Variants in METTL16 observed in about 807,000 individuals in gnomAD.
METTL16 encodes the protein methyltransferase 16, RNA N6-adenosine, also known as RNA N(6)-adenosine-methyltransferase METTL16.
In METTL16, 19 loss-of-function variants were observed where a neutral mutation model predicts 57.9. That is an observed-to-expected ratio of 0.33 (90% CI 0.23 to 0.48). The LOEUF is 0.48. Among genes scored for constraint, METTL16 ranks in the 20% least tolerant of loss-of-function variants. The pLI is 0.99. For synonymous variants in METTL16, 246 were observed against 255.6 expected (o/e 0.96, Z 0.36); for missense variants, 434 against 691.5 (o/e 0.63, Z 4.18).
chr17:2,492,240 A>G (rs1296450912), intron 2 of METTL16, among the ~76,000 whole-genome samples: 1 of 152,138 alleles, frequency 6.6e-6, no homozygotes, highest in African/African-American at 2.4e-5. Flanking sequence ...AATAAAAACA[A>G]ATCGGTTAAG....
At chr17:2,455,539 C>T (rs921661462) in intron 6 of METTL16, among the ~76,000 whole-genome samples, 1 of 152,122 alleles carries the variant, frequency 6.6e-6, no homozygotes, top group African/African-American at 2.4e-5. Flanking sequence ...CTCACCGTGG[C>T]GCAAGCTGCT....
chr17:2,449,488 G>A (rs960381998), intron 6 of METTL16, among the ~76,000 whole-genome samples: 16 of 151,928 alleles, frequency 1.1e-4, no homozygotes, highest in African/African-American at 3.9e-4. Flanking sequence ...GATTACAGGC[G>A]TGAGCCACCA....
intron 2 of METTL16, among the ~76,000 whole-genome samples, chr17:2,488,965 A>G (rs1426904895): frequency 6.6e-6 from 1 of 152,218 alleles, no homozygotes; most frequent in Non-Finnish European, 1.5e-5. Context: ...GGGTCAAATA[A>G]GCAATTAGAT....
At chr17:2,502,077 T>C in intron 2 of METTL16, 127 bp downstream of exon 2, 1 of 894,524 alleles carries the variant, frequency 1.1e-6, no homozygotes. Context: ...AGAGGTTAAG[T>C]GATTTGTCCA....
intron 2 of METTL16, among the ~76,000 whole-genome samples, chr17:2,483,052 T>C (rs760663266): frequency 2.7e-5 from 4 of 146,962 alleles, no homozygotes; most frequent in Non-Finnish European, 6.0e-5. Flanking sequence ...GAACAAAGCA[T>C]GATATAAAAT....
At chr17:2,492,913 A>AAC (rs1402010984) in intron 2 of METTL16, among the ~76,000 whole-genome samples, 1 of 93,468 alleles carries the variant, frequency 1.1e-5, no homozygotes, top group East Asian at 4.5e-4. Context: ...AAAAAAAAAA[A>AAC]AAACAACAAA....
At chr17:2,469,223 GCAAGACT>G (rs2067221436) in intron 4 of METTL16, among the ~76,000 whole-genome samples, 1 of 151,808 alleles carries the variant, frequency 6.6e-6, no homozygotes, top group South Asian at 2.1e-4. Flanking sequence ...GGGCGACACA[GCAAGACT>G]CTGTCTCAAA....
rs1233912094 is a variant in METTL16, at chr17:2,491,719, C to CA, written c.128+10484dup. On this transcript the variant is annotated intron_variant, in intron 2 of 9. Coordinates refer to ENST00000263092, the MANE Select transcript of METTL16 (RefSeq NM_024086.4). ...TGAAACCCCGTCTCTATTAAAAATA[C>CA]AAAAAATTAGCCAGGCGTGGTGGTG... Among the ~76,000 whole-genome samples, 21 of 149,518 alleles carry CA rather than the reference C, an allele frequency of 1.4e-4. No homozygotes were observed. In the South Asian group the frequency reaches 1.7e-3, roughly 12 times the overall value.
intron 8 of METTL16, among the ~76,000 whole-genome samples, chr17:2,436,173 T>TTTAA (rs886873422): frequency 5.9e-5 from 9 of 152,236 alleles, no homozygotes; most frequent in African/African-American, 1.7e-4. Context: ...TACTAATGAT[T>TTTAA]TTAACCATGT....
rs564780525 is a variant in METTL16 at position 2,443,735 on chromosome 17, G to A, written c.729-2176C>T. Reference sequence around the variant, plus strand: ...AGGATGGTCTCGATCTCCTGACCTCGTGATCCGTCCACCTCGGCCTCCCGA... The same window carrying A: ...AGGATGGTCTCGATCTCCTGACCTCATGATCCGTCCACCTCGGCCTCCCGA... On this transcript the variant is annotated intron_variant, in intron 6 of 9. Coordinates refer to ENST00000263092, the MANE Select transcript of METTL16 (RefSeq NM_024086.4). 8.5e-5 allele frequency among the ~76,000 whole-genome samples: 13 copies of A among 152,192 alleles called. No individual in the cohort carries two copies. The East Asian group carries it at 1.2e-3, about 14-fold the overall frequency.
At chr17:2,451,712 G>A (rs936771790) in intron 6 of METTL16, among the ~76,000 whole-genome samples, 2 of 152,050 alleles carry the variant, frequency 1.3e-5, no homozygotes, top group African/African-American at 2.4e-5. Flanking sequence ...TGAACAAGAG[G>A]AAGGAAGAGA....
At chr17:2,495,507 T>C (rs1175416776) in intron 2 of METTL16, among the ~76,000 whole-genome samples, 6 of 150,496 alleles carry the variant, frequency 4.0e-5, no homozygotes, top group African/African-American at 9.8e-5. Context: ...CCAGCCTGGC[T>C]AACATGGTGA....
chr17:2,485,485 G>T (rs776186189), intron 2 of METTL16, among the ~76,000 whole-genome samples: 3 of 152,150 alleles, frequency 2.0e-5, no homozygotes, highest in Non-Finnish European at 4.4e-5. Flanking sequence ...GTGCCAAAAA[G>T]GTTGGAGACC....
At chr17:2,443,618 C>G (rs2066969994) in intron 6 of METTL16, among the ~76,000 whole-genome samples, 1 of 151,368 alleles carries the variant, frequency 6.6e-6, no homozygotes, top group Non-Finnish European at 1.5e-5. Flanking sequence ...TCCCGAGTAG[C>G]TGGGACTACA....
At chr17:2,476,909 C>T (rs1453327428) in intron 3 of METTL16, among the ~76,000 whole-genome samples, 1 of 151,644 alleles carries the variant, frequency 6.6e-6, no homozygotes, top group East Asian at 1.9e-4. Flanking sequence ...CGAGTCGAGA[C>T]CGTGCTATTG....
chr17:2,421,013 T>C (rs1434891461), intron 8 of METTL16, 109 bp from the exon 9 acceptor site: 16 of 1,212,310 alleles, frequency 1.3e-5, no homozygotes, highest in Non-Finnish European at 1.8e-5. Flanking sequence ...CTACCAATCA[T>C]AGAGCACTGA....
At position 2,442,440 on chromosome 17, in the gene METTL16, C is replaced by T. The variant is rs182781456; in HGVS notation, c.729-881G>A. 6.0e-5 allele frequency among the ~76,000 whole-genome samples: 9 copies of T among 149,658 alleles called. No individual in the cohort carries two copies. The East Asian group carries it at 1.4e-3, about 23-fold the overall frequency. On this transcript the variant is annotated intron_variant, in intron 6 of 9. Coordinates refer to ENST00000263092, the MANE Select transcript of METTL16 (RefSeq NM_024086.4). The stretch of plus-strand genomic sequence containing the variant: ...AAGTTCAGAGATGCTGACGGAGTTA[C>T]GATTTGTAAAGCAAATTAACAAGAG...
intron 6 of METTL16, among the ~76,000 whole-genome samples, chr17:2,458,168 C>A (rs913483100): frequency 4.6e-5 from 7 of 152,176 alleles, no homozygotes; most frequent in Non-Finnish European, 7.3e-5. Flanking sequence ...GTATGGGCCA[C>A]TGTGCCTGGC....
intron 8 of METTL16, chr17:2,424,556 C>T (rs909548591): frequency 2.6e-5 from 4 of 152,360 alleles, no homozygotes; most frequent in African/African-American, 9.6e-5. Context: ...CAGCTGCATT[C>T]GGAAGATTTC....
Sources: allele counts gnomAD v4.1 joint callset (sites outside exome capture counted in the v4.1 genomes callset), GRCh38; gene constraint gnomAD v4.1.1; transcripts MANE v1.5; gene names NCBI Gene and HGNC (gene_info 2026-07-23, HGNC 2026-07-21).